SPAG9: variants seen among roughly 807,000 people sequenced by gnomAD.
SPAG9 encodes sperm associated antigen 9.
A neutral mutation model predicts 166.5 loss-of-function variants in SPAG9; 35 were observed. The observed-to-expected ratio is 0.21, with a 90% CI of 0.16 to 0.28. SPAG9 has a LOEUF of 0.28. SPAG9 is among the 10% of genes least tolerant of loss of function. The probability of loss-of-function intolerance (pLI) is 1.00; values close to 1 mark genes in which losing one functional copy is unlikely to be tolerated. For synonymous variants in SPAG9, 534 were observed against 565.5 expected (o/e 0.94, Z 0.79); for missense variants, 1,235 against 1,603.3 (o/e 0.77, Z 3.92).
chr17:51,041,397 AC>A, intron 5 of SPAG9, 103 bp downstream of exon 5: 1 of 1,063,946 alleles, frequency 9.4e-7, no homozygotes, highest in Non-Finnish European at 1.3e-6. Flanking sequence ...CTAAATGTAT[AC>A]AAACAATTAC....
At chr17:50,976,814 A>G (rs1974241047) in intron 27 of SPAG9, 1 of 258,268 alleles carries the variant, frequency 3.9e-6, no homozygotes, top group African/African-American at 2.3e-5. Context: ...GGATAATGGT[A>G]TAATAAGGCT....
intron 3 of SPAG9, among the ~76,000 whole-genome samples, chr17:51,054,995 G>A (rs1487566987): frequency 6.6e-6 from 1 of 152,118 alleles, no homozygotes; most frequent in Non-Finnish European, 1.5e-5. Flanking sequence ...AATGTGTGGT[G>A]GGGTTTTCTG....
At chr17:50,987,021 T>G in intron 22 of SPAG9, 91 bp downstream of exon 22, 1 of 1,295,846 alleles carries the variant, frequency 7.7e-7, no homozygotes. Flanking sequence ...ATCCACACTT[T>G]TTGTATTTGT....
At chr17:51,112,497 C>T (rs1369607322) in intron 1 of SPAG9, among the ~76,000 whole-genome samples, 2 of 151,314 alleles carry the variant, frequency 1.3e-5, no homozygotes, top group Non-Finnish European at 2.9e-5. Context: ...ATGGTGAAAC[C>T]CCATCTCCAC....
At chr17:50,979,609 T>A (rs957138473) in intron 26 of SPAG9, 137 bp downstream of exon 26, 63 of 753,636 alleles carry the variant, frequency 8.4e-5, no homozygotes, top group Non-Finnish European at 1.3e-4. Flanking sequence ...GGCTATAGTG[T>A]GCTATGACTG....
intron 21 of SPAG9, among the ~76,000 whole-genome samples, chr17:50,988,101 A>T (rs186124264): frequency 5.2e-4 from 79 of 152,314 alleles, no homozygotes; most frequent in African/African-American, 1.9e-3. Context: ...CTTCAATCCC[A>T]GCTACCTGGG....
rs59365716 is a variant in SPAG9, at chr17:51,037,665, T to TTATATA, written c.741+3830_741+3835dup. On this transcript the variant is annotated intron_variant, in intron 5 of 29. Transcript: ENST00000262013. The stretch of plus-strand genomic sequence containing the variant: ...AATAAAATAAGTAAATATATGTGTT[T>TTATATA]TATATATATATATATATATAGTGTG... Among the ~76,000 whole-genome samples the TTATATA allele has an allele frequency of 3.5e-3, 324 of 92,920 alleles. 11 individuals carry two copies. The highest frequency in any genetic ancestry group is 9.7e-3 in the African/African-American group (260 of 26,912). The allele number at this position is 92,920 out of a possible 152,430, so 61.0% of individuals were successfully genotyped here. A position where few individuals can be genotyped will look rare whatever the true frequency, so the allele number is the denominator to read the frequency against.
intron 2 of SPAG9, among the ~76,000 whole-genome samples, chr17:51,069,563 T>C (rs1022158068): frequency 6.6e-6 from 1 of 152,114 alleles, no homozygotes; most frequent in African/African-American, 2.4e-5. Context: ...AAGGTCTGTT[T>C]TAAGCCTTAT....
chr17:51,061,188 A>G (rs916163493), intron 2 of SPAG9, among the ~76,000 whole-genome samples: 2 of 152,100 alleles, frequency 1.3e-5, no homozygotes, highest in African/African-American at 2.4e-5. Context: ...TGACTTGGTC[A>G]GAGAGCTGGG....
intron 2 of SPAG9, among the ~76,000 whole-genome samples, chr17:51,073,197 G>A (rs1197462551): frequency 1.3e-5 from 2 of 152,058 alleles, no homozygotes; most frequent in African/African-American, 4.8e-5. Flanking sequence ...GCGTGGTGGT[G>A]GGCGCCTGTA....
chr17:50,993,765 T>A lies in SPAG9; in HGVS notation c.2397A>T (p.Pro799=), dbSNP rs757294261. 1.9e-6 allele frequency: 3 copies of A among 1,613,820 alleles called. No homozygotes were observed. Among genetic ancestry groups the A allele is most frequent in the Non-Finnish European group, 2.5e-6 (3 of 1,179,762 alleles). ...GAGAAACGCATGACTCACTCTTACCTGGCACACTTGCAATGCACAGAACAT... is the reference window on the plus strand; with the variant it reads ...GAGAAACGCATGACTCACTCTTACCAGGCACACTTGCAATGCACAGAACAT... ...NSHVLCIASV[P]GARETDYPAG... The change falls in exon 19 of 30, where the codon CCA becomes CCT. Residue 799 remains proline (P), a splice_region_variant and synonymous_variant. Transcript: ENST00000262013.
At chr17:51,029,699 G>A (rs2046317624) in intron 6 of SPAG9, among the ~76,000 whole-genome samples, 1 of 152,114 alleles carries the variant, frequency 6.6e-6, no homozygotes, top group Non-Finnish European at 1.5e-5. Context: ...TTTATGTGCG[G>A]TATTTAATAT....
At chr17:50,990,777 G>A (rs1480598621) in intron 19 of SPAG9, 109 bp from the exon 20 acceptor site, 11 of 774,984 alleles carry the variant, frequency 1.4e-5, no homozygotes, top group Non-Finnish European at 2.3e-5. Flanking sequence ...GAGATGTACA[G>A]GTAGTTGAAT....
chr17:51,108,828 T>C (rs991329257), intron 1 of SPAG9, among the ~76,000 whole-genome samples: 1 of 152,008 alleles, frequency 6.6e-6, no homozygotes, highest in African/African-American at 2.4e-5. Context: ...ATTTTATTTA[T>C]TTATTTTTAT....
intron 1 of SPAG9, among the ~76,000 whole-genome samples, chr17:51,086,016 T>C (rs2048297169): frequency 7.1e-6 from 1 of 140,888 alleles, no homozygotes; most frequent in South Asian, 2.3e-4. Context: ...TCGCCCAGGC[T>C]GGAGTGCAGT....
intron 1 of SPAG9, among the ~76,000 whole-genome samples, chr17:51,080,643 GA>G (rs1379577071): frequency 6.6e-6 from 1 of 152,008 alleles, no homozygotes; most frequent in African/African-American, 2.4e-5. Context: ...AGCACTTTGC[GA>G]GGCTGAGGAG....
intron 1 of SPAG9, among the ~76,000 whole-genome samples, chr17:51,101,355 A>AG (rs1415289994): frequency 6.7e-6 from 1 of 150,358 alleles, no homozygotes; most frequent in East Asian, 1.9e-4. Flanking sequence ...CAAAAAAAAA[A>AG]AAAAAAAAAA....
At chr17:51,034,510 A>G (rs2046510764) in intron 5 of SPAG9, among the ~76,000 whole-genome samples, 1 of 152,184 alleles carries the variant, frequency 6.6e-6, no homozygotes, top group Non-Finnish European at 1.5e-5. Context: ...AACCTGAAAG[A>G]GCTCTCAATG....
At chr17:51,007,353 T>G in intron 9 of SPAG9, 27 bp from the exon 10 acceptor site, 2 of 1,387,760 alleles carry the variant, frequency 1.4e-6, no homozygotes, top group Non-Finnish European at 1.0e-6. Context: ...GATAAAGACT[T>G]TGAAAATAAA....
Sources: allele counts gnomAD v4.1 joint callset (sites outside exome capture counted in the v4.1 genomes callset), GRCh38; gene constraint gnomAD v4.1.1; transcripts MANE v1.5; gene names NCBI Gene and HGNC (gene_info 2026-07-23, HGNC 2026-07-21).